MNAT1: variants seen among roughly 807,000 people sequenced by gnomAD.
MNAT1 encodes the protein CDK-activating kinase assembly factor MAT1.
Under a neutral mutation model 42.0 loss-of-function variants are expected in MNAT1, and 43 were observed. The observed-to-expected ratio is 1.02, with a 90% CI of 0.80 to 1.32. The LOEUF (loss-of-function observed/expected upper bound fraction) is 1.32. Among genes scored for constraint, MNAT1 ranks in the 40% most tolerant of loss-of-function variants. MNAT1 has a pLI of 0.00. For missense variants in MNAT1, 306 were observed against 350.4 expected, an observed-to-expected ratio of 0.87 and a Z score of 1.01; for synonymous variants, 118 against 120.0, an observed-to-expected ratio of 0.98 and a Z score of 0.11.
At chr14:60,954,759 C>A (rs1366971281) in intron 7 of MNAT1, among the ~76,000 whole-genome samples, 1 of 152,072 alleles carries the variant, frequency 6.6e-6, no homozygotes, top group Non-Finnish European at 1.5e-5. Context: ...TTATGTTGAA[C>A]AGAAATGGCA....
chr14:60,920,524 A>G (rs985102711), intron 7 of MNAT1, among the ~76,000 whole-genome samples: 14 of 152,006 alleles, frequency 9.2e-5, no homozygotes, highest in African/African-American at 2.4e-4. Context: ...GGTGCAAGCA[A>G]TTCTCCTGCC....
At chr14:60,914,036 C>T (rs1209756091) in intron 7 of MNAT1, among the ~76,000 whole-genome samples, 3 of 152,176 alleles carry the variant, frequency 2.0e-5, no homozygotes, top group Non-Finnish European at 4.4e-5. Flanking sequence ...AGGTGCCCCT[C>T]CCCCAGCCTC....
intron 6 of MNAT1, among the ~76,000 whole-genome samples, chr14:60,844,051 T>C (rs1375839216): frequency 1.3e-5 from 2 of 152,208 alleles, no homozygotes; most frequent in African/African-American, 4.8e-5. Context: ...TGGATTGCTT[T>C]CACATATTTG....
intron 6 of MNAT1, among the ~76,000 whole-genome samples, chr14:60,826,783 T>G (rs2033069695): frequency 6.6e-6 from 1 of 152,208 alleles, no homozygotes; most frequent in Admixed American, 6.5e-5. Flanking sequence ...CTTTATCATT[T>G]TACAAATACT....
At chr14:60,787,014 A>G (rs2031672746) in intron 1 of MNAT1, among the ~76,000 whole-genome samples, 1 of 152,160 alleles carries the variant, frequency 6.6e-6, no homozygotes, top group African/African-American at 2.4e-5. Flanking sequence ...CCCGAAGTAG[A>G]ATTATAGTAA....
At chr14:60,764,585 T>C (rs1475095216) in intron 1 of MNAT1, among the ~76,000 whole-genome samples, 2 of 152,128 alleles carry the variant, frequency 1.3e-5, no homozygotes, top group East Asian at 1.9e-4. Flanking sequence ...CAGATTTAGA[T>C]GGTAAATTGA....
chr14:60,806,818 A>G (rs777079993), intron 3 of MNAT1, among the ~76,000 whole-genome samples: 1 of 152,200 alleles, frequency 6.6e-6, no homozygotes, highest in Admixed American at 6.5e-5. Context: ...TATTAAATAC[A>G]AGAGGTAGAT....
intron 7 of MNAT1, among the ~76,000 whole-genome samples, chr14:60,940,272 A>G (rs2036115032): frequency 6.6e-6 from 1 of 152,210 alleles, no homozygotes; most frequent in African/African-American, 2.4e-5. Flanking sequence ...TGATCCTGTC[A>G]GTATGATGTT....
chr14:60,959,389 C>T (rs2036547631), intron 7 of MNAT1, among the ~76,000 whole-genome samples: 1 of 152,158 alleles, frequency 6.6e-6, no homozygotes, highest in Admixed American at 6.5e-5. Flanking sequence ...TAGCCCCCAT[C>T]CTTCTTTGTT....
chr14:60,965,713 G>GTGCT (rs1272106454), intron 7 of MNAT1, among the ~76,000 whole-genome samples: 2 of 152,154 alleles, frequency 1.3e-5, no homozygotes, highest in African/African-American at 4.8e-5. Context: ...TTCTACTGTG[G>GTGCT]TGCTTGAATT....
chr14:60,745,070 AC>A (rs1226688364), intron 1 of MNAT1, among the ~76,000 whole-genome samples: 17 of 152,110 alleles, frequency 1.1e-4, no homozygotes, highest in African/African-American at 3.9e-4. Flanking sequence ...CACATCAACT[AC>A]CCTGCATTCT....
rs577371276 is a variant in MNAT1 at position 60,877,328 on chromosome 14, G to A, written c.688-2386G>A. 5.3e-5 allele frequency among the ~76,000 whole-genome samples: 8 copies of A among 152,096 alleles called. No individual in the cohort carries two copies. The South Asian group carries it at 1.5e-3, about 28-fold the overall frequency. ...CAGTGTCAGAGGTGCCTATTACAAC[G>A]TGCCTGTAAACTAGCTAGGATGATG... On this transcript the variant is annotated intron_variant, in intron 6 of 7. Transcript: ENST00000261245.
chr14:60,968,178 C>G, intron 7 of MNAT1, 51 bp from the exon 8 acceptor site: 1 of 1,344,708 alleles, frequency 7.4e-7, no homozygotes, highest in Non-Finnish European at 1.0e-6. Context: ...AAAATGTTAC[C>G]TATTTATATT....
chr14:60,768,648 C>A (rs904068956), intron 1 of MNAT1, among the ~76,000 whole-genome samples: 1 of 152,134 alleles, frequency 6.6e-6, no homozygotes, highest in Non-Finnish European at 1.5e-5. Context: ...GCTCTTTATT[C>A]GTTATCTCAT....
In MNAT1 at chr14:60,893,666, C is replaced by G. The variant is rs971596562; in HGVS notation, c.809+13831C>G. 4.6e-5 allele frequency among the ~76,000 whole-genome samples: 7 copies of G among 152,108 alleles called. 1 individual carries two copies. The highest frequency in any genetic ancestry group is 8.8e-5 in the Non-Finnish European group (6 of 68,034). The stretch of plus-strand genomic sequence containing the variant: ...AATGTACCACAGGCTTCAAATTCAT[C>G]TAGTCACAATTTATTGCCACCTTGC... On this transcript the variant is annotated intron_variant, in intron 7 of 7. Coordinates refer to ENST00000261245, the MANE Select transcript of MNAT1 (RefSeq NM_002431.4).
At chr14:60,788,474 G>A (rs2031720562) in intron 1 of MNAT1, among the ~76,000 whole-genome samples, 1 of 152,132 alleles carries the variant, frequency 6.6e-6, no homozygotes, top group African/African-American at 2.4e-5. Context: ...ACTATCTCCT[G>A]AAAAGACACC....
chr14:60,741,027 A>ACT (rs549207202), intron 1 of MNAT1, among the ~76,000 whole-genome samples: 131 of 151,892 alleles, frequency 8.6e-4, no homozygotes, highest in Non-Finnish European at 1.2e-3. Flanking sequence ...GCATTTTGGA[A>ACT]CTCTCTTGTT....
intron 6 of MNAT1, among the ~76,000 whole-genome samples, chr14:60,826,292 G>T (rs993158125): frequency 2.7e-5 from 4 of 148,964 alleles, no homozygotes; most frequent in Non-Finnish European, 5.9e-5. Flanking sequence ...ACTATTTTAT[G>T]CATGAATAGG....
rs1465360826 is a variant in MNAT1, at chr14:60,869,040, A to ATATATATT, written c.688-10673_688-10672insATATATTT. The stretch of plus-strand genomic sequence containing the variant: ...ATTTTATACATATATATATATATAT[A>ATATATATT]TTTTTTTTTTTTTTTTTGAGACGGA... On this transcript the variant is annotated intron_variant, in intron 6 of 7. Coordinates refer to ENST00000261245, the MANE Select transcript of MNAT1 (RefSeq NM_002431.4). Among the ~76,000 whole-genome samples, 392 of 113,014 alleles carry ATATATATT rather than the reference A, an allele frequency of 3.5e-3. 4 individuals are homozygous for ATATATATT. The highest frequency in any genetic ancestry group is 0.013 in the African/African-American group (373 of 29,414). 74.1% of individuals were successfully genotyped at this position (113,014 alleles called of 152,430 possible).
Sources: gnomAD v4.1 joint callset for allele counts (sites outside exome capture counted in the v4.1 genomes callset) on GRCh38, gnomAD v4.1.1 for gene constraint, MANE v1.5 for transcripts, NCBI Gene and HGNC (gene_info 2026-07-23, HGNC 2026-07-21) for gene names.